PADI3: variants seen among roughly 807,000 people sequenced by gnomAD.
PADI3 encodes protein-arginine deiminase type-3.
Under a neutral mutation model 71.5 loss-of-function variants are expected in PADI3, and 53 were observed. That is an observed-to-expected ratio of 0.74 (90% CI 0.59 to 0.93). The LOEUF (loss-of-function observed/expected upper bound fraction) is 0.93. Among genes scored for constraint, PADI3 ranks in the 40% least tolerant of loss-of-function variants. PADI3 has a pLI of 0.00. For synonymous variants in PADI3, 361 were observed against 347.5 expected (o/e 1.04, Z -0.43); for missense variants, 821 against 868.0 (o/e 0.95, Z 0.68).
At position 17,251,886 on chromosome 1, in the gene PADI3, G is replaced by A. The variant is rs191059951; in HGVS notation, c.92+2657G>A. On this transcript the variant is annotated intron_variant, in intron 1 of 15. Coordinates refer to ENST00000375460, the MANE Select transcript of PADI3 (RefSeq NM_016233.2). ...ATGTCTGGGGAACAGTCTCTGGACC[G>A]TATTGGGAGAAGGAGTTGAGAAAAG... Among the ~76,000 whole-genome samples the A allele has an allele frequency of 2.0e-3, 300 of 152,302 alleles. 5 individuals carry two copies. The East Asian group carries it at 0.049, about 25-fold the overall frequency.
At chr1:17,257,007 G>A (rs1261208034) in intron 1 of PADI3, among the ~76,000 whole-genome samples, 2 of 143,150 alleles carry the variant, frequency 1.4e-5, no homozygotes, top group African/African-American at 2.7e-5. Context: ...ACTCCAGCCT[G>A]GGCGACAGAG....
chr1:17,273,495 C>A, intron 10 of PADI3, 48 bp downstream of exon 10: 3 of 1,267,302 alleles, frequency 2.4e-6, no homozygotes, highest in Non-Finnish European at 3.4e-6. Context: ...AGAGGCCTTA[C>A]CCCAGGGGCC....
intron 15 of PADI3, among the ~76,000 whole-genome samples, chr1:17,281,843 C>G (rs925313251): frequency 6.6e-6 from 1 of 152,206 alleles, no homozygotes; most frequent in African/African-American, 2.4e-5. Context: ...AAGCACGGCC[C>G]GAGGCACTGC....
Position 17,270,929 on chromosome 1 carries a change from A to G in PADI3, c.882A>G (p.Ala294=), listed in dbSNP as rs973904055. The change falls in exon 8 of 16, where the codon GCA becomes GCG. Residue 294 remains alanine (A), a synonymous_variant. Coordinates refer to ENST00000375460, the MANE Select transcript of PADI3 (RefSeq NM_016233.2). ...IFTDTVVFRV[A]PWIMTPSTLP... is the part of the protein sequence containing the mutation. ...CTGACACTGTGGTGTTCCGAGTGGC[A>G]CCCTGGATCATGACGCCCAGCACTC... 6.2e-7 allele frequency: 1 copy of G among 1,613,826 alleles called. No individual in the cohort carries two copies. Among genetic ancestry groups the G allele is most frequent in the Admixed American group, 1.7e-5 (1 of 59,990 alleles).
chr1:17,266,390 G>A (rs1569895123), intron 4 of PADI3, among the ~76,000 whole-genome samples: 1 of 152,332 alleles, frequency 6.6e-6, no homozygotes, highest in Middle Eastern at 3.4e-3. Flanking sequence ...CAGGTGCAGG[G>A]AATGGCAGGA....
At position 17,280,668 on chromosome 1, in the gene PADI3, C is replaced by G. The variant is rs1238241192; in HGVS notation, c.1636-3C>G. On this transcript the variant is annotated splice_polypyrimidine_tract_variant and splice_region_variant and intron_variant, in intron 14 of 15. Coordinates refer to ENST00000375460, the MANE Select transcript of PADI3 (RefSeq NM_016233.2). The stretch of plus-strand genomic sequence containing the variant: ...CCCAACTCTGGCCCTCCCCTGCCCC[C>G]AGAGCTGCATCGACTGGAACCGTGA... 2 of 1,614,028 alleles carry G rather than the reference C, an allele frequency of 1.2e-6. No homozygotes were observed. Among genetic ancestry groups the G allele is most frequent in the African/African-American group, 2.7e-5 (2 of 74,914 alleles).
intron 13 of PADI3, among the ~76,000 whole-genome samples, chr1:17,279,589 A>G (rs571963002): frequency 6.6e-6 from 1 of 152,252 alleles, no homozygotes; most frequent in East Asian, 1.9e-4. Flanking sequence ...ACAAGCCCCC[A>G]CATATCCTAC....
At chr1:17,268,538 C>A (rs1178356357) in intron 6 of PADI3, among the ~76,000 whole-genome samples, 1 of 112,684 alleles carries the variant, frequency 8.9e-6, no homozygotes, top group African/African-American at 3.6e-5. Context: ...GACAGAGTCT[C>A]GCTCTGTTGC....
rs945182033 is a variant in PADI3 at position 17,283,232 on chromosome 1, G to A, written c.*153G>A. 1 of 633,538 alleles carries A rather than the reference G, an allele frequency of 1.6e-6. No homozygotes were observed. The highest frequency in any genetic ancestry group is 2.8e-6 in the Non-Finnish European group (1 of 360,302). 39.2% of individuals were successfully genotyped at this position (633,538 alleles called of 1,614,324 possible). A position where few individuals can be genotyped will look rare whatever the true frequency, so the allele number is the denominator to read the frequency against. On this transcript the variant is annotated 3_prime_UTR_variant, in exon 16 of 16. Coordinates refer to ENST00000375460, the MANE Select transcript of PADI3 (RefSeq NM_016233.2). ...CGTCCCTCTCAGAAGCCTTTTCCCT[G>A]GAAGTGTCCATGCCTCACCTGCAAC...
intron 13 of PADI3, among the ~76,000 whole-genome samples, chr1:17,278,890 G>A (rs966138086): frequency 9.2e-5 from 14 of 152,238 alleles, no homozygotes; most frequent in African/African-American, 2.2e-4. Context: ...GTTTGCTAGC[G>A]TTAACTTCTT....
rs1557504919 is a variant in PADI3, at chr1:17,266,757, C to A, written c.447C>A (p.Ile149=). ...GGGGGCCCAGTGGGTATGGCGGCAT[C>A]TTGCTGGTGAACTGTGACCGTGATG... The part of the protein sequence containing the change: ...WVWGPSGYGG[I]LLVNCDRDDP... The change falls in exon 5 of 16, where the codon ATC becomes ATA. Residue 149 remains isoleucine (I), a synonymous_variant. Transcript: ENST00000375460. 6.2e-7 allele frequency: 1 copy of A among 1,614,150 alleles called. No individual in the cohort carries two copies. Among genetic ancestry groups the A allele is most frequent in the Non-Finnish European group, 8.5e-7 (1 of 1,180,010 alleles).
At position 17,276,965 on chromosome 1, in the gene PADI3, T is replaced by C. The variant is rs1341542494; in HGVS notation, c.1555+89T>C. 2.6e-6 allele frequency: 3 copies of C among 1,136,854 alleles called. No individual in the cohort carries two copies. In the East Asian group the frequency reaches 7.7e-5, roughly 29 times the overall value. The allele number at this position is 1,136,854 out of a possible 1,614,324, so 70.4% of individuals were successfully genotyped here. A position where few individuals can be genotyped will look rare whatever the true frequency, so the allele number is the denominator to read the frequency against. On this transcript the variant is annotated intron_variant, in intron 13 of 15. Transcript: ENST00000375460. ...CATGGCTTGAGAGGGGGAGGGCAAG[T>C]TTTAAAGCAGGGGTGTGTCCCCAAA...
chr1:17,251,732 T>C (rs1253407625), intron 1 of PADI3, among the ~76,000 whole-genome samples: 2 of 152,230 alleles, frequency 1.3e-5, no homozygotes, highest in East Asian at 3.8e-4. Flanking sequence ...GTGCAAAGCA[T>C]GTAACTAATA....
chr1:17,261,083 G>T (rs1180695737), intron 2 of PADI3, among the ~76,000 whole-genome samples: 1 of 152,184 alleles, frequency 6.6e-6, no homozygotes, highest in Non-Finnish European at 1.5e-5. Context: ...GGATTTAGGG[G>T]CTCCCAGGAC....
At position 17,276,586 on chromosome 1, in the gene PADI3, G is replaced by C; in HGVS notation, c.1375G>C (p.Val459Leu). Residue 459 changes from valine to leucine, a missense_variant, in exon 12 of 16, where the codon GTG becomes CTG. Transcript: ENST00000375460. ...CCATGCCCAGAAGGTGCAGCCCCCC[G>C]TGGAGCTCTTTGTGGACTGGTTGGC... Reference protein sequence around the residue: ...FLHAQKVQPPVELFVDWLAVG... With the variant: ...FLHAQKVQPPLELFVDWLAVG... 5 of 1,614,170 alleles carry C rather than the reference G, an allele frequency of 3.1e-6. No individual in the cohort carries two copies. Among genetic ancestry groups the C allele is most frequent in the Non-Finnish European group, 4.2e-6 (5 of 1,180,028 alleles).
At chr1:17,254,216 C>T (rs1235399484) in intron 1 of PADI3, among the ~76,000 whole-genome samples, 4 of 152,148 alleles carry the variant, frequency 2.6e-5, no homozygotes, top group East Asian at 3.9e-4. Context: ...CTGGGATCCT[C>T]GCTGACTGGG....
intron 13 of PADI3, among the ~76,000 whole-genome samples, chr1:17,277,530 T>C (rs2073350829): frequency 6.6e-6 from 1 of 152,240 alleles, no homozygotes; most frequent in Admixed American, 6.5e-5. Flanking sequence ...TGAGGTCTGA[T>C]GGATCAGTGG....
chr1:17,265,575 C>G, intron 3 of PADI3, 84 bp from the exon 4 acceptor site: 1 of 1,214,000 alleles, frequency 8.2e-7, no homozygotes, highest in South Asian at 1.2e-5. Flanking sequence ...TGCCTTTGCT[C>G]AGCCCCAGAC....
intron 1 of PADI3, 23 bp from the exon 2 acceptor site, chr1:17,259,555 C>T (rs201808059): frequency 2.6e-6 from 4 of 1,559,234 alleles, no homozygotes; most frequent in African/African-American, 1.4e-5. Context: ...TCGGCACCGA[C>T]CATGGCTCTC....
Sources: gnomAD v4.1 joint callset for allele counts (sites outside exome capture counted in the v4.1 genomes callset) on GRCh38, gnomAD v4.1.1 for gene constraint, MANE v1.5 for transcripts, NCBI Gene and HGNC (gene_info 2026-07-23, HGNC 2026-07-21) for gene names.